BPHL: variants seen among roughly 807,000 people sequenced by gnomAD.
The protein encoded by BPHL is serine hydrolase BPHL.
BPHL carries 27 observed loss-of-function variants against 31.2 expected under a neutral mutation model. That is an observed-to-expected ratio of 0.87 (90% CI 0.64 to 1.19). The LOEUF is 1.19. Ranked by LOEUF, BPHL falls within the 50% of genes most tolerant of loss-of-function variation. The probability of loss-of-function intolerance (pLI) is 0.00; values close to 1 mark genes in which losing one functional copy is unlikely to be tolerated. For missense variants in BPHL, 356 were observed against 375.7 expected, an observed-to-expected ratio of 0.95 and a Z score of 0.43; for synonymous variants, 150 against 146.8, an observed-to-expected ratio of 1.02 and a Z score of -0.16.
chr6:3,123,029 G>A (rs377354619), intron 1 of BPHL, among the ~76,000 whole-genome samples: 16 of 152,340 alleles, frequency 1.1e-4, no homozygotes, highest in African/African-American at 3.6e-4. Context: ...AGGACCCTTG[G>A]CTTCCAGCTC....
At chr6:3,136,065 A>G (rs1308966271) in intron 4 of BPHL, among the ~76,000 whole-genome samples, 1 of 152,210 alleles carries the variant, frequency 6.6e-6, no homozygotes, top group East Asian at 1.9e-4. Context: ...ACACACTCAT[A>G]CACACTCACA....
chr6:3,149,388 T>A lies in BPHL; in HGVS notation c.789-3100T>A, dbSNP rs1399776167. 6.6e-6 allele frequency among the ~76,000 whole-genome samples: 1 copy of A among 152,100 alleles called. No homozygotes were observed. Among genetic ancestry groups the A allele is most frequent in the Non-Finnish European group, 1.5e-5 (1 of 67,998 alleles). ...CCAACCCAGCAGCCCGAGGGTCCTC[T>A]AGCAGCCCACTTCAAGCCGCCACAC... is the stretch of plus-strand genomic sequence containing the variant. On this transcript the variant is annotated intron_variant, in intron 6 of 6. Coordinates refer to ENST00000380379, the MANE Select transcript of BPHL (RefSeq NM_004332.4). This position sits in a 1 kb window ranked among gnomAD's most constrained non-coding sequence, Gnocchi z 4.6.
At chr6:3,132,847 A>C (rs1761909649) in intron 4 of BPHL, among the ~76,000 whole-genome samples, 1 of 152,154 alleles carries the variant, frequency 6.6e-6, no homozygotes, top group South Asian at 2.1e-4. Flanking sequence ...CAGCAACAAC[A>C]ACAACCAAAA....
At chr6:3,144,463 G>T (rs963459727) in intron 6 of BPHL, among the ~76,000 whole-genome samples, 2 of 145,066 alleles carry the variant, frequency 1.4e-5, no homozygotes, top group Admixed American at 7.3e-5. Flanking sequence ...ACGGCTCATT[G>T]CAGCCTTGAA....
chr6:3,124,690 G>C (rs1297508828), intron 2 of BPHL, among the ~76,000 whole-genome samples: 1 of 152,178 alleles, frequency 6.6e-6, no homozygotes, highest in African/African-American at 2.4e-5. Flanking sequence ...TACATGTTCA[G>C]TACAGACCCA....
chr6:3,133,363 G>T (rs1169653931), intron 4 of BPHL, among the ~76,000 whole-genome samples: 1 of 152,078 alleles, frequency 6.6e-6, no homozygotes, highest in Non-Finnish European at 1.5e-5. Context: ...CCAGGTCCTT[G>T]CCTCCTACCA....
At chr6:3,119,327 G>GT (rs1761494044) in intron 1 of BPHL, 5 of 1,551,390 alleles carry the variant, frequency 3.2e-6, no homozygotes, top group Non-Finnish European at 4.4e-6. Context: ...TTAATCACGG[G>GT]TCCCGAGAGC....
At chr6:3,133,108 A>G (rs9632527) in intron 4 of BPHL, among the ~76,000 whole-genome samples, 14,842 of 152,168 alleles carry the variant, frequency 0.098, 1,875 homozygotes, top group African/African-American at 0.29. Context: ...AAAGTCTTTA[A>G]CAACGTGATA....
chr6:3,135,636 C>T (rs947253174), intron 4 of BPHL, among the ~76,000 whole-genome samples: 18 of 152,298 alleles, frequency 1.2e-4, no homozygotes, highest in South Asian at 4.1e-4. Context: ...CTTTTGTAAA[C>T]CTCGTCTTTC....
At chr6:3,151,614 C>T (rs950417475) in intron 6 of BPHL, among the ~76,000 whole-genome samples, 1 of 152,176 alleles carries the variant, frequency 6.6e-6, no homozygotes, top group Non-Finnish European at 1.5e-5. Flanking sequence ...ACGCATTCTG[C>T]CCTAATATTG....
In BPHL at chr6:3,118,714, C is replaced by G. The variant is rs878900881; in HGVS notation, c.-27C>G. 4 of 1,254,606 alleles carry G rather than the reference C, an allele frequency of 3.2e-6. No homozygotes were observed. The African/African-American group carries it at 4.6e-5, about 15-fold the overall frequency. The allele number at this position is 1,254,606 out of a possible 1,614,324, so 77.7% of individuals were successfully genotyped here. ...CGCGCTTGGTCTTAGCGCATGCGCACTCCCGGCAGCTACGCGACCTGTGAC... is the reference window on the plus strand; with the variant it reads ...CGCGCTTGGTCTTAGCGCATGCGCAGTCCCGGCAGCTACGCGACCTGTGAC... On this transcript the variant is annotated 5_prime_UTR_variant, in exon 1 of 7. Transcript: ENST00000380379.
chr6:3,119,463 A>G (rs1178207949), intron 1 of BPHL: 1 of 1,613,746 alleles, frequency 6.2e-7, no homozygotes, highest in African/African-American at 1.3e-5. Flanking sequence ...GGAGATGCCC[A>G]GGAATCTGCT....
chr6:3,134,803 C>T (rs895264368), intron 4 of BPHL, among the ~76,000 whole-genome samples: 1 of 151,884 alleles, frequency 6.6e-6, no homozygotes, highest in African/African-American at 2.4e-5. Context: ...GGGGTTTCAC[C>T]GTGTTATCCA....
chr6:3,128,400 A>T (rs1287185847), intron 3 of BPHL, among the ~76,000 whole-genome samples: 1 of 152,196 alleles, frequency 6.6e-6, no homozygotes, highest in Non-Finnish European at 1.5e-5. Context: ...CCGGGCAGCA[A>T]ATATCTTGGA....
At chr6:3,152,387 T>C (rs1345775234) in intron 6 of BPHL, 101 bp from the exon 7 acceptor site, 1 of 998,194 alleles carries the variant, frequency 1.0e-6, no homozygotes, top group African/African-American at 1.6e-5. Context: ...GGAAATGTGT[T>C]AATTTTTCAC....
Position 3,140,226 on chromosome 6 carries a change from A to G in BPHL, c.665-160A>G. ...CAGAAAAGGGAACCCAAAGAATGTT[A>G]GAGCTGGAAGGAATCCCAGGCACGG... On this transcript the variant is annotated intron_variant, in intron 5 of 6. Coordinates refer to ENST00000380379, the MANE Select transcript of BPHL (RefSeq NM_004332.4). This position sits in a 1 kb window ranked among gnomAD's most constrained non-coding sequence, Gnocchi z 5.2. 2 of 841,036 alleles carry G rather than the reference A, an allele frequency of 2.4e-6. No homozygotes were observed. Among genetic ancestry groups the G allele is most frequent in the South Asian group, 3.9e-5 (2 of 51,438 alleles). The allele number at this position is 841,036 out of a possible 1,614,324, so 52.1% of individuals were successfully genotyped here.
At chr6:3,120,806 A>C (rs943907630) in intron 1 of BPHL, among the ~76,000 whole-genome samples, 2 of 152,220 alleles carry the variant, frequency 1.3e-5, no homozygotes, top group African/African-American at 4.8e-5. Context: ...ATATTTTCCA[A>C]GTTCAACCTT....
At chr6:3,143,660 C>T (rs563149740) in intron 6 of BPHL, among the ~76,000 whole-genome samples, 1 of 152,304 alleles carries the variant, frequency 6.6e-6, no homozygotes, top group East Asian at 1.9e-4. Flanking sequence ...ATAAGTACAG[C>T]GGTCGTAATA....
rs1762465026 is a variant in BPHL, at chr6:3,149,466, G to A, written c.789-3022G>A. Reference sequence around the variant, plus strand: ...TTTGCTTCTAATGCTTGTGTCTAATGCTTGAGACATGGTTGCTTTTGAGAA... The same window carrying A: ...TTTGCTTCTAATGCTTGTGTCTAATACTTGAGACATGGTTGCTTTTGAGAA... On this transcript the variant is annotated intron_variant, in intron 6 of 6. Transcript: ENST00000380379. This position sits in a 1 kb window ranked among gnomAD's most constrained non-coding sequence, Gnocchi z 4.6. Among the ~76,000 whole-genome samples, 1 of 152,112 alleles carries A rather than the reference G, an allele frequency of 6.6e-6. No individual in the cohort carries two copies. Among genetic ancestry groups the A allele is most frequent in the Admixed American group, 6.5e-5 (1 of 15,274 alleles).
Sources: allele counts gnomAD v4.1 joint callset (sites outside exome capture counted in the v4.1 genomes callset), GRCh38; gene constraint gnomAD v4.1.1; non-coding constraint Gnocchi (gnomAD v3.1); transcripts MANE v1.5; gene names NCBI Gene and HGNC (gene_info 2026-07-23, HGNC 2026-07-21).